The following ERC2 variants were observed in gnomAD, a reference collection of about 807,000 sequenced individuals.
ERC2 encodes ELKS/RAB6-interacting/CAST family member 2.
ERC2 carries 42 observed loss-of-function variants against 114.8 expected under a neutral mutation model. The ratio of observed to expected loss-of-function variants is 0.37; its 90% CI spans 0.29 to 0.47. The LOEUF (loss-of-function observed/expected upper bound fraction) is 0.47. Among genes scored for constraint, ERC2 ranks in the 20% least tolerant of loss-of-function variants. The pLI is 0.99. For missense variants in ERC2, 939 were observed against 1,150.7 expected (o/e 0.82, Z 2.66); for synonymous variants, 454 against 425.5 (o/e 1.07, Z -0.82).
intron 1 of ERC2, among the ~76,000 whole-genome samples, chr3:56,450,795 C>T (rs1366458747): frequency 2.0e-5 from 3 of 152,024 alleles, no homozygotes; most frequent in East Asian, 1.9e-4. Context: ...CACGCCGTTG[C>T]GCTCCAGCCT....
intron 13 of ERC2, among the ~76,000 whole-genome samples, chr3:55,917,222 C>T (rs2149375702): frequency 6.6e-6 from 1 of 152,174 alleles, no homozygotes; most frequent in South Asian, 2.1e-4. Context: ...TTTGTATACC[C>T]TTATACACTT....
intron 3 of ERC2, among the ~76,000 whole-genome samples, chr3:56,269,665 C>T (rs1401094079): frequency 6.6e-6 from 1 of 152,038 alleles, no homozygotes; most frequent in East Asian, 1.9e-4. Flanking sequence ...CCCTATATTC[C>T]CAAATACATC....
chr3:55,556,777 C>G (rs924585037), intron 17 of ERC2, among the ~76,000 whole-genome samples: 1 of 152,180 alleles, frequency 6.6e-6, no homozygotes, highest in Non-Finnish European at 1.5e-5. Flanking sequence ...AGGCGGGTCT[C>G]AATCTTCTAA....
intron 14 of ERC2, among the ~76,000 whole-genome samples, chr3:55,740,735 T>C (rs992214795): frequency 1.3e-5 from 2 of 152,174 alleles, no homozygotes; most frequent in African/African-American, 4.8e-5. Flanking sequence ...AACAGAGCCA[T>C]TGAATTTGGT....
At chr3:56,156,818 G>C (rs1370619909) in intron 4 of ERC2, among the ~76,000 whole-genome samples, 1 of 152,144 alleles carries the variant, frequency 6.6e-6, no homozygotes, top group Admixed American at 6.5e-5. Context: ...AAATCATCTA[G>C]AGAGTGAGCA....
Position 55,835,418 on chromosome 3 carries a change from T to C in ERC2, c.2564+52971A>G, listed in dbSNP as rs572161018. On this transcript the variant is annotated intron_variant, in intron 14 of 17. Transcript: ENST00000288221. ...GCTTATCCACCATGATCAAGTGGGC[T>C]TCATTCCTGGGATGCAAGGCTGGTT... is the stretch of plus-strand genomic sequence containing the variant. Among the ~76,000 whole-genome samples the C allele has an allele frequency of 1.2e-3, 177 of 152,314 alleles. 1 individual carries two copies. Among genetic ancestry groups the C allele is most frequent in the African/African-American group, 4.1e-3 (171 of 41,564 alleles).
At chr3:56,044,012 C>T (rs1486407365) in intron 7 of ERC2, among the ~76,000 whole-genome samples, 1 of 152,146 alleles carries the variant, frequency 6.6e-6, no homozygotes, top group East Asian at 1.9e-4. Context: ...CTTAAGTACT[C>T]AAAGGATTAA....
chr3:56,113,750 C>T (rs1041476047), intron 6 of ERC2, among the ~76,000 whole-genome samples: 2 of 152,200 alleles, frequency 1.3e-5, no homozygotes, highest in Non-Finnish European at 1.5e-5. Flanking sequence ...CCTCCCACTT[C>T]AGATGCCAAT....
At chr3:56,354,034 C>A (rs1177928048) in intron 2 of ERC2, among the ~76,000 whole-genome samples, 2 of 152,126 alleles carry the variant, frequency 1.3e-5, no homozygotes, top group African/African-American at 2.4e-5. Flanking sequence ...AGGAATCAGG[C>A]AGCCTGACTC....
intron 3 of ERC2, among the ~76,000 whole-genome samples, chr3:56,237,051 G>T (rs1336348592): frequency 4.6e-5 from 7 of 152,106 alleles, no homozygotes; most frequent in Non-Finnish European, 1.0e-4. Flanking sequence ...GACCCAACTT[G>T]CCACTTTTCA....
chr3:56,359,173 G>A (rs566266140), intron 2 of ERC2, among the ~76,000 whole-genome samples: 2 of 152,314 alleles, frequency 1.3e-5, no homozygotes, highest in Admixed American at 1.3e-4. Context: ...AACCAGAGTG[G>A]GGAGTCTATC....
chr3:55,889,409 C>T (rs986089131), intron 13 of ERC2, among the ~76,000 whole-genome samples: 4 of 152,112 alleles, frequency 2.6e-5, no homozygotes, highest in Non-Finnish European at 5.9e-5. Flanking sequence ...GGGTTCTAAA[C>T]TTGAAATAAA....
At chr3:56,409,572 C>A (rs2060863310) in intron 2 of ERC2, among the ~76,000 whole-genome samples, 1 of 145,848 alleles carries the variant, frequency 6.9e-6, no homozygotes. Flanking sequence ...TTTAAATGAA[C>A]TGATCAGATT....
At chr3:56,369,114 T>C (rs1393081586) in intron 2 of ERC2, among the ~76,000 whole-genome samples, 2 of 152,222 alleles carry the variant, frequency 1.3e-5, no homozygotes, top group Admixed American at 6.5e-5. Context: ...TCTGGTTTTG[T>C]TTTTCATCCA....
At chr3:55,944,652 C>T (rs1333937526) in intron 13 of ERC2, among the ~76,000 whole-genome samples, 1 of 152,164 alleles carries the variant, frequency 6.6e-6, no homozygotes, top group African/African-American at 2.4e-5. Flanking sequence ...TGTCTTGTTG[C>T]CCCTGACAGT....
At chr3:55,528,885 T>G (rs1250593099) in intron 17 of ERC2, among the ~76,000 whole-genome samples, 3 of 151,666 alleles carry the variant, frequency 2.0e-5, no homozygotes, top group Non-Finnish European at 4.4e-5. Context: ...TCCCTGGGGG[T>G]GGGGAGGGAT....
chr3:56,402,675 A>C (rs2060565345), intron 2 of ERC2, among the ~76,000 whole-genome samples: 1 of 152,220 alleles, frequency 6.6e-6, no homozygotes. Flanking sequence ...ATGATAGCTA[A>C]ATATAATCTC....
chr3:56,043,611 C>T (rs1489813274), intron 7 of ERC2, among the ~76,000 whole-genome samples: 1 of 152,132 alleles, frequency 6.6e-6, no homozygotes, highest in East Asian at 1.9e-4. Context: ...AAACCACATG[C>T]AAATGACTGA....
chr3:55,719,964 TTCTCTCCCTCCC>T (rs1472407427), intron 15 of ERC2, among the ~76,000 whole-genome samples: 8 of 148,204 alleles, frequency 5.4e-5, no homozygotes, highest in East Asian at 4.1e-4. Context: ...CTTTCTTTCC[TTCTCTCCCTCCC>T]TCTCTCCCTC....
Sources: gnomAD v4.1 joint callset for allele counts (sites outside exome capture counted in the v4.1 genomes callset) on GRCh38, gnomAD v4.1.1 for gene constraint, MANE v1.5 for transcripts, NCBI Gene and HGNC (gene_info 2026-07-23, HGNC 2026-07-21) for gene names.